GRM3: variants seen among roughly 807,000 people sequenced by gnomAD.
The protein encoded by GRM3 is glutamate metabotropic receptor 3, also known as metabotropic glutamate receptor 3.
Under a neutral mutation model 70.5 loss-of-function variants are expected in GRM3, and 26 were observed. The observed-to-expected ratio is 0.37, with a 90% confidence interval of 0.27 to 0.51. The LOEUF is 0.51. GRM3 is among the 20% of genes least tolerant of loss of function. The pLI is 0.93. For missense variants in GRM3, 859 were observed against 1,123.8 expected (o/e 0.76, Z 3.37); for synonymous variants, 443 against 434.9 (o/e 1.02, Z -0.23).
At chr7:86,827,191 A>T (rs1798251746) in intron 3 of GRM3, among the ~76,000 whole-genome samples, 3 of 152,240 alleles carry the variant, frequency 2.0e-5, no homozygotes, top group African/African-American at 7.2e-5. Context: ...AAGATACAAT[A>T]TTCTTCTGAA....
intron 5 of GRM3, among the ~76,000 whole-genome samples, chr7:86,851,143 A>G (rs1443944015): frequency 6.6e-6 from 1 of 152,178 alleles, no homozygotes; most frequent in Non-Finnish European, 1.5e-5. Context: ...GTTAAAAGTT[A>G]AAATACTTTT....
rs560719490 is a variant in GRM3 at position 86,796,880 on chromosome 7, C to T, written c.1324+9764C>T. Among the ~76,000 whole-genome samples, 32 of 152,246 alleles carry T rather than the reference C, an allele frequency of 2.1e-4. 1 individual carries two copies. In the South Asian group the frequency reaches 5.8e-3, roughly 28 times the overall value. Reference sequence around the variant, plus strand: ...ATCATGGGGGCAGGTCTTTTCCACGCTGTTCTCATGATAGGGAATAAGTCT... The same window carrying T: ...ATCATGGGGGCAGGTCTTTTCCACGTTGTTCTCATGATAGGGAATAAGTCT... On this transcript the variant is annotated intron_variant, in intron 3 of 5. Transcript: ENST00000361669.
intron 3 of GRM3, among the ~76,000 whole-genome samples, chr7:86,801,261 G>T (rs1277483192): frequency 6.6e-6 from 1 of 151,736 alleles, no homozygotes. Context: ...AGTCGAGACG[G>T]GGTTTCACTA....
At chr7:86,744,683 T>G (rs1376548288) in intron 1 of GRM3, among the ~76,000 whole-genome samples, 1 of 152,084 alleles carries the variant, frequency 6.6e-6, no homozygotes, top group Non-Finnish European at 1.5e-5. Context: ...CCGGGCAGTC[T>G]GTCAGCATTC....
chr7:86,800,223 C>A (rs1797650683), intron 3 of GRM3, among the ~76,000 whole-genome samples: 1 of 152,072 alleles, frequency 6.6e-6, no homozygotes, highest in Admixed American at 6.6e-5. Flanking sequence ...AACATTGCAA[C>A]TAAAAACTAG....
At chr7:86,854,971 C>T (rs1798819801) in intron 5 of GRM3, among the ~76,000 whole-genome samples, 1 of 152,160 alleles carries the variant, frequency 6.6e-6, no homozygotes, top group South Asian at 2.1e-4. Context: ...CATAGAAGAA[C>T]CTGGCCGCTC....
intron 3 of GRM3, among the ~76,000 whole-genome samples, chr7:86,815,119 G>A (rs567092120): frequency 6.6e-6 from 1 of 151,626 alleles, no homozygotes; most frequent in Admixed American, 6.6e-5. Flanking sequence ...GGCAGGTTCT[G>A]GCAGAAACCT....
intron 1 of GRM3, among the ~76,000 whole-genome samples, chr7:86,669,177 C>T (rs555790667): frequency 2.2e-4 from 34 of 152,144 alleles, no homozygotes; most frequent in Non-Finnish European, 4.3e-4. Flanking sequence ...TCTACATTGG[C>T]TGCACATAAC....
intron 1 of GRM3, among the ~76,000 whole-genome samples, chr7:86,701,498 T>C (rs1319306000): frequency 2.0e-5 from 3 of 151,970 alleles, no homozygotes; most frequent in African/African-American, 7.2e-5. Context: ...TTATACAATG[T>C]TGCTAAAACT....
chr7:86,825,361 T>C (rs1316263289), intron 3 of GRM3, among the ~76,000 whole-genome samples: 1 of 152,250 alleles, frequency 6.6e-6, no homozygotes, highest in Non-Finnish European at 1.5e-5. Flanking sequence ...GCTTTGGAAT[T>C]TCTTAACGAC....
At chr7:86,646,024 A>C (rs1312350334) in intron 1 of GRM3, among the ~76,000 whole-genome samples, 1 of 33,848 alleles carries the variant, frequency 3.0e-5, no homozygotes, top group Admixed American at 3.6e-4. Flanking sequence ...GGTGGGAGGG[A>C]GTTTAGGGGG....
At chr7:86,709,042 C>T (rs1795131547) in intron 1 of GRM3, among the ~76,000 whole-genome samples, 1 of 151,888 alleles carries the variant, frequency 6.6e-6, no homozygotes, top group Admixed American at 6.6e-5. Flanking sequence ...TAAATTACAA[C>T]CTACATACTC....
At chr7:86,810,462 C>T (rs554685184) in intron 3 of GRM3, among the ~76,000 whole-genome samples, 3 of 151,934 alleles carry the variant, frequency 2.0e-5, no homozygotes, top group South Asian at 2.1e-4. Flanking sequence ...TTTATACTTT[C>T]GTTCCACTTC....
chr7:86,846,463 CAT>C (rs1798657895), intron 4 of GRM3, among the ~76,000 whole-genome samples: 1 of 152,144 alleles, frequency 6.6e-6, no homozygotes. Context: ...AGTGAAGGTA[CAT>C]GTCTCTGCAA....
At chr7:86,706,748 C>T (rs1473201166) in intron 1 of GRM3, among the ~76,000 whole-genome samples, 1 of 151,720 alleles carries the variant, frequency 6.6e-6, no homozygotes. Flanking sequence ...CATAGATTGG[C>T]ATTGACAAAA....
rs530932468 is a variant in GRM3 at position 86,776,737 on chromosome 7, T to C, written c.469-9524T>C. Among the ~76,000 whole-genome samples, 30 of 152,254 alleles carry C rather than the reference T, an allele frequency of 2.0e-4. 1 individual carries two copies. The South Asian group carries it at 6.2e-3, about 32-fold the overall frequency. Reference sequence around the variant, plus strand: ...GGCTCTGTTAAAACTTCAAGAGACATTGTCAAAAATCAATATCTGAGGTAC... The same window carrying C: ...GGCTCTGTTAAAACTTCAAGAGACACTGTCAAAAATCAATATCTGAGGTAC... On this transcript the variant is annotated intron_variant, in intron 2 of 5. Coordinates refer to ENST00000361669, the MANE Select transcript of GRM3 (RefSeq NM_000840.3).
intron 3 of GRM3, among the ~76,000 whole-genome samples, chr7:86,805,011 G>A (rs550863031): frequency 5.5e-4 from 83 of 152,120 alleles, no homozygotes; most frequent in Non-Finnish European, 1.0e-3. Flanking sequence ...CTACCTGGGA[G>A]GTTGAGGTGG....
At chr7:86,792,368 T>A (rs1376254293) in intron 3 of GRM3, among the ~76,000 whole-genome samples, 1 of 152,116 alleles carries the variant, frequency 6.6e-6, no homozygotes, top group Non-Finnish European at 1.5e-5. Flanking sequence ...ATACCCAATT[T>A]GAAGGAAAAA....
At chr7:86,863,694 T>A (rs557795653) in intron 5 of GRM3, among the ~76,000 whole-genome samples, 51 of 152,314 alleles carry the variant, frequency 3.3e-4, no homozygotes, top group Non-Finnish European at 6.2e-4. Flanking sequence ...CATCCCTGTA[T>A]AGACAGAACA....
Sources: gnomAD v4.1 joint callset for allele counts (sites outside exome capture counted in the v4.1 genomes callset) on GRCh38, gnomAD v4.1.1 for gene constraint, MANE v1.5 for transcripts, NCBI Gene and HGNC (gene_info 2026-07-23, HGNC 2026-07-21) for gene names.